Variants in NRG3 observed in about 807,000 individuals in gnomAD.
The protein encoded by NRG3 is pro-neuregulin-3, membrane-bound isoform.
A neutral mutation model predicts 66.9 loss-of-function variants in NRG3; 31 were observed. The observed-to-expected ratio is 0.46, with a 90% CI of 0.35 to 0.63. The LOEUF (loss-of-function observed/expected upper bound fraction) is 0.63. Ranked by LOEUF, NRG3 falls within the 20% of genes least tolerant of loss-of-function variation. The pLI, the probability that NRG3 is intolerant of heterozygous loss-of-function variation, is 0.00. For missense variants in NRG3, 910 were observed against 878.9 expected, an observed-to-expected ratio of 1.04 and a Z score of -0.45; for synonymous variants, 393 against 359.4, an observed-to-expected ratio of 1.09 and a Z score of -1.06.
At chr10:82,725,366 G>T (rs1203515471) in intron 2 of NRG3, among the ~76,000 whole-genome samples, 1 of 152,154 alleles carries the variant, frequency 6.6e-6, no homozygotes, top group Non-Finnish European at 1.5e-5. Flanking sequence ...GTAGCTTTCA[G>T]TGCTTTGGCT....
intron 1 of NRG3, among the ~76,000 whole-genome samples, chr10:82,137,372 G>A (rs2069448005): frequency 6.6e-6 from 1 of 152,116 alleles, no homozygotes; most frequent in South Asian, 2.1e-4. Flanking sequence ...CTAAATGCAG[G>A]TGATGTTATC....
At chr10:82,701,829 T>A (rs2055902973) in intron 2 of NRG3, among the ~76,000 whole-genome samples, 1 of 152,204 alleles carries the variant, frequency 6.6e-6, no homozygotes, top group Non-Finnish European at 1.5e-5. Context: ...CAGCTCAAGA[T>A]CTACATTAGC....
chr10:82,331,129 T>C (rs1000611845), intron 1 of NRG3, among the ~76,000 whole-genome samples: 1 of 152,196 alleles, frequency 6.6e-6, no homozygotes, highest in African/African-American at 2.4e-5. Flanking sequence ...GAAAAACACC[T>C]TCTGCCTGTG....
intron 1 of NRG3, among the ~76,000 whole-genome samples, chr10:82,353,409 T>G (rs1172403638): frequency 1.3e-5 from 2 of 152,220 alleles, no homozygotes; most frequent in Non-Finnish European, 2.9e-5. Context: ...TGGGGATTTC[T>G]GTCTTCCAAC....
chr10:82,969,277 G>T (rs1851512097), intron 6 of NRG3, among the ~76,000 whole-genome samples: 2 of 152,196 alleles, frequency 1.3e-5, no homozygotes, highest in African/African-American at 4.8e-5. Flanking sequence ...GATAAAAAAA[G>T]ATATGTCTTT....
chr10:82,019,326 G>T (rs1219550611), intron 1 of NRG3, among the ~76,000 whole-genome samples: 1 of 152,182 alleles, frequency 6.6e-6, no homozygotes, highest in Admixed American at 6.5e-5. Context: ...TGTGCTGCTG[G>T]ATTCAGTTTG....
chr10:82,066,846 G>A (rs1175410877), intron 1 of NRG3, among the ~76,000 whole-genome samples: 1 of 151,700 alleles, frequency 6.6e-6, no homozygotes, highest in East Asian at 1.9e-4. Context: ...CATGATTAAT[G>A]AATCCTATCA....
At chr10:82,571,254 G>A (rs2045718295) in intron 2 of NRG3, among the ~76,000 whole-genome samples, 1 of 151,326 alleles carries the variant, frequency 6.6e-6, no homozygotes, top group African/African-American at 2.4e-5. Flanking sequence ...ATACAAATAG[G>A]CCAATAGAAA....
chr10:82,623,840 C>G (rs910724232), intron 2 of NRG3, among the ~76,000 whole-genome samples: 43 of 152,104 alleles, frequency 2.8e-4, no homozygotes, highest in Admixed American at 1.8e-3. Context: ...TTCTATGCCC[C>G]TAGTCTAGAT....
intron 3 of NRG3, among the ~76,000 whole-genome samples, chr10:82,833,199 G>T (rs1461535690): frequency 1.3e-5 from 2 of 152,084 alleles, no homozygotes; most frequent in African/African-American, 4.8e-5. Flanking sequence ...AAAAATATAT[G>T]GACTGTTGCT....
chr10:81,957,043 G>A (rs775002508), intron 1 of NRG3, among the ~76,000 whole-genome samples: 2 of 152,174 alleles, frequency 1.3e-5, no homozygotes, highest in Non-Finnish European at 2.9e-5. Context: ...GAACCCATAA[G>A]ATTAATTCTC....
At chr10:81,916,387 G>A (rs889948173) in intron 1 of NRG3, among the ~76,000 whole-genome samples, 1 of 152,170 alleles carries the variant, frequency 6.6e-6, no homozygotes, top group African/African-American at 2.4e-5. Context: ...AATAGTATAA[G>A]TAAAGTTTCT....
At chr10:82,976,425 G>A (rs1215647189) in intron 7 of NRG3, among the ~76,000 whole-genome samples, 1 of 152,160 alleles carries the variant, frequency 6.6e-6, no homozygotes. Flanking sequence ...CAGTGACAGA[G>A]AGGACCCTTT....
At chr10:82,908,335 A>C (rs1209315442) in intron 4 of NRG3, among the ~76,000 whole-genome samples, 1 of 152,198 alleles carries the variant, frequency 6.6e-6, no homozygotes, top group Non-Finnish European at 1.5e-5. Context: ...TATGCCTGGA[A>C]TTCATTATCA....
chr10:82,300,789 G>A (rs2080355959), intron 1 of NRG3, among the ~76,000 whole-genome samples: 1 of 151,956 alleles, frequency 6.6e-6, no homozygotes, highest in Non-Finnish European at 1.5e-5. Flanking sequence ...CATTGGAAGG[G>A]TGGCAGATAC....
chr10:82,326,974 C>A (rs1468543796), intron 1 of NRG3, among the ~76,000 whole-genome samples: 1 of 152,154 alleles, frequency 6.6e-6, no homozygotes, highest in Non-Finnish European at 1.5e-5. Context: ...TTTGAAGCAT[C>A]TTAATTAGTA....
chr10:82,182,838 G>A (rs1179913660), intron 1 of NRG3, among the ~76,000 whole-genome samples: 1 of 151,912 alleles, frequency 6.6e-6, no homozygotes, highest in East Asian at 1.9e-4. Context: ...AACTCCCTCA[G>A]TTTTGTTCAT....
intron 1 of NRG3, among the ~76,000 whole-genome samples, chr10:82,204,297 T>G (rs2075003786): frequency 6.6e-6 from 1 of 152,190 alleles, no homozygotes. Context: ...TTTCTTATAC[T>G]TATCACAGTC....
At chr10:81,986,617 C>T (rs2060527298) in intron 1 of NRG3, among the ~76,000 whole-genome samples, 1 of 152,118 alleles carries the variant, frequency 6.6e-6, no homozygotes, top group African/African-American at 2.4e-5. Flanking sequence ...ATTGTACTTA[C>T]CATGTCTTTT....
Sources: allele counts gnomAD v4.1 joint callset (sites outside exome capture counted in the v4.1 genomes callset), GRCh38; gene constraint gnomAD v4.1.1; transcripts MANE v1.5; gene names NCBI Gene and HGNC (gene_info 2026-07-23, HGNC 2026-07-21).